GHR: variants seen among roughly 807,000 people sequenced by gnomAD.
The protein encoded by GHR is growth hormone receptor.
A neutral mutation model predicts 67.1 loss-of-function variants in GHR; 35 were observed. The ratio of observed to expected loss-of-function variants is 0.52; its 90% CI spans 0.40 to 0.69. The LOEUF is 0.69. Among genes scored for constraint, GHR ranks in the 30% least tolerant of loss-of-function variants. The pLI, the probability that GHR is intolerant of heterozygous loss-of-function variation, is 0.00. For synonymous variants in GHR, 272 were observed against 269.1 expected (o/e 1.01, Z -0.10); for missense variants, 792 against 764.6 (o/e 1.04, Z -0.42).
intron 1 of GHR, among the ~76,000 whole-genome samples, chr5:42,520,457 C>A (rs941924953): frequency 6.6e-6 from 1 of 152,302 alleles, no homozygotes; most frequent in Non-Finnish European, 1.5e-5. Context: ...ACATCCTTCA[C>A]TCCTTAACCC....
At chr5:42,524,823 CA>C (rs1260008923) in intron 1 of GHR, among the ~76,000 whole-genome samples, 1 of 152,226 alleles carries the variant, frequency 6.6e-6, no homozygotes, top group African/African-American at 2.4e-5. Flanking sequence ...AGGGCCAACA[CA>C]GAGCTCAGGC....
intron 1 of GHR, among the ~76,000 whole-genome samples, chr5:42,561,614 C>T (rs1257053295): frequency 6.6e-6 from 1 of 152,094 alleles, no homozygotes; most frequent in Non-Finnish European, 1.5e-5. Flanking sequence ...AAATTCATGC[C>T]AGCTGCATTA....
intron 1 of GHR, among the ~76,000 whole-genome samples, chr5:42,483,631 G>C (rs565232141): frequency 6.6e-6 from 1 of 152,098 alleles, no homozygotes; most frequent in Non-Finnish European, 1.5e-5. Flanking sequence ...TAGTTAACAC[G>C]TTAGGGGAGG....
intron 1 of GHR, among the ~76,000 whole-genome samples, chr5:42,429,530 G>A (rs765811863): frequency 1.2e-4 from 18 of 152,048 alleles, no homozygotes; most frequent in Middle Eastern, 3.2e-3. Flanking sequence ...ATTTCATTAC[G>A]CTCTTGATTA....
intron 2 of GHR, among the ~76,000 whole-genome samples, chr5:42,588,449 G>A (rs1751598333): frequency 6.8e-6 from 1 of 147,814 alleles, no homozygotes; most frequent in African/African-American, 2.5e-5. Flanking sequence ...GAACCTGGGA[G>A]GCAGAGGTTG....
intron 1 of GHR, among the ~76,000 whole-genome samples, chr5:42,441,153 G>C (rs1171040720): frequency 6.6e-6 from 1 of 152,174 alleles, no homozygotes; most frequent in African/African-American, 2.4e-5. Context: ...TCTGAGCCAT[G>C]AGAACTCCAA....
intron 3 of GHR, among the ~76,000 whole-genome samples, chr5:42,673,335 G>T (rs1756411994): frequency 6.6e-6 from 1 of 152,214 alleles, no homozygotes; most frequent in Non-Finnish European, 1.5e-5. Flanking sequence ...TTCAGCCACT[G>T]TGAAAAGCAG....
intron 1 of GHR, among the ~76,000 whole-genome samples, chr5:42,504,199 A>G (rs1255378784): frequency 6.6e-6 from 1 of 152,186 alleles, no homozygotes; most frequent in Non-Finnish European, 1.5e-5. Context: ...CAGGTTGAAT[A>G]TTATTAATTT....
At chr5:42,628,232 G>T (rs915894156) in intron 2 of GHR, among the ~76,000 whole-genome samples, 1 of 152,044 alleles carries the variant, frequency 6.6e-6, no homozygotes, top group Non-Finnish European at 1.5e-5. Flanking sequence ...ACGATAGGGG[G>T]TGTTTTGGGC....
At chr5:42,589,631 TA>T (rs1488469703) in intron 2 of GHR, among the ~76,000 whole-genome samples, 2 of 152,246 alleles carry the variant, frequency 1.3e-5, no homozygotes, top group African/African-American at 2.4e-5. Flanking sequence ...GTAGTTGTGT[TA>T]TTTTTTTCAG....
chr5:42,468,835 C>G (rs1744866230), intron 1 of GHR: 8 of 994,826 alleles, frequency 8.0e-6, no homozygotes, highest in Non-Finnish European at 1.2e-5. Flanking sequence ...GGTGACCAGG[C>G]AGCTGAAGCC....
At chr5:42,521,759 T>G (rs927683416) in intron 1 of GHR, among the ~76,000 whole-genome samples, 1 of 152,212 alleles carries the variant, frequency 6.6e-6, no homozygotes, top group African/African-American at 2.4e-5. Flanking sequence ...GAAGAGAGGA[T>G]ATTACTTGGG....
At chr5:42,439,486 A>G (rs1331674813) in intron 1 of GHR, among the ~76,000 whole-genome samples, 1 of 152,244 alleles carries the variant, frequency 6.6e-6, no homozygotes, top group African/African-American at 2.4e-5. Flanking sequence ...ACTCTGCTTT[A>G]TAGCCACTTG....
At chr5:42,551,001 G>T (rs1206602316) in intron 1 of GHR, among the ~76,000 whole-genome samples, 1 of 152,146 alleles carries the variant, frequency 6.6e-6, no homozygotes, top group Non-Finnish European at 1.5e-5. Flanking sequence ...GTAGATGGTG[G>T]TCTGGATGTT....
At chr5:42,687,200 C>T (rs1261297802) in intron 3 of GHR, among the ~76,000 whole-genome samples, 2 of 152,168 alleles carry the variant, frequency 1.3e-5, no homozygotes, top group African/African-American at 4.8e-5. Context: ...GAAAAACATC[C>T]TCATGGATAG....
At chr5:42,657,781 T>A (rs941912768) in intron 3 of GHR, among the ~76,000 whole-genome samples, 1 of 152,206 alleles carries the variant, frequency 6.6e-6, no homozygotes, top group Admixed American at 6.5e-5. Context: ...CAGTATATCC[T>A]AAAATGTTCC....
intron 9 of GHR, 43 bp downstream of exon 9, chr5:42,718,164 C>A: frequency 1.1e-6 from 1 of 941,102 alleles, no homozygotes; most frequent in Non-Finnish European, 1.8e-6. Flanking sequence ...TACTAATTAA[C>A]ACCTGAAGAC....
At chr5:42,685,138 C>T (rs1464934925) in intron 3 of GHR, among the ~76,000 whole-genome samples, 1 of 152,112 alleles carries the variant, frequency 6.6e-6, no homozygotes, top group Non-Finnish European at 1.5e-5. Flanking sequence ...GTTCCCCTCC[C>T]TGTGTATGTG....
chr5:42,650,012 C>T (rs1754934692), intron 3 of GHR, among the ~76,000 whole-genome samples: 1 of 152,088 alleles, frequency 6.6e-6, no homozygotes, highest in Non-Finnish European at 1.5e-5. Context: ...AGGTTTTAAC[C>T]TTCAACCTTC....
Sources: allele counts gnomAD v4.1 joint callset (sites outside exome capture counted in the v4.1 genomes callset), GRCh38; gene constraint gnomAD v4.1.1; transcripts MANE v1.5; gene names NCBI Gene and HGNC (gene_info 2026-07-23, HGNC 2026-07-21).